The following KCNH5 variants were observed in gnomAD, a reference collection of about 807,000 sequenced individuals.
KCNH5 encodes the protein voltage-gated delayed rectifier potassium channel KCNH5.
A neutral mutation model predicts 96.1 loss-of-function variants in KCNH5; 46 were observed. The observed-to-expected ratio is 0.48, with a 90% CI of 0.38 to 0.61. The LOEUF is 0.61. Among genes scored for constraint, KCNH5 ranks in the 20% least tolerant of loss-of-function variants. The pLI is 0.00. For synonymous variants in KCNH5, 439 were observed against 449.8 expected (o/e 0.98, Z 0.30); for missense variants, 907 against 1,225.8 (o/e 0.74, Z 3.88).
chr14:62,741,777 C>T (rs1038762702), intron 10 of KCNH5, among the ~76,000 whole-genome samples: 3 of 152,208 alleles, frequency 2.0e-5, no homozygotes, highest in African/African-American at 7.2e-5. Context: ...TTTTATTTTA[C>T]GGTAGCCTCT....
At chr14:62,918,766 T>A (rs1276231206) in intron 7 of KCNH5, among the ~76,000 whole-genome samples, 1 of 152,116 alleles carries the variant, frequency 6.6e-6, no homozygotes, top group Non-Finnish European at 1.5e-5. Flanking sequence ...AATATGTCAG[T>A]AGACTGTTAA....
chr14:62,988,067 G>T (rs1179783500), intron 4 of KCNH5, among the ~76,000 whole-genome samples: 5 of 152,018 alleles, frequency 3.3e-5, no homozygotes, highest in Admixed American at 3.3e-4. Context: ...TTGGGGGAAA[G>T]AAATGCAATT....
chr14:62,989,794 G>A (rs562244746), intron 4 of KCNH5, among the ~76,000 whole-genome samples: 3 of 152,024 alleles, frequency 2.0e-5, no homozygotes, highest in Non-Finnish European at 4.4e-5. Flanking sequence ...TTAAAAATCA[G>A]ATATAAAATA....
At position 62,939,413 on chromosome 14, in the gene KCNH5, C is replaced by T. The variant is rs138218765; in HGVS notation, c.1369+10720G>A. Among the ~76,000 whole-genome samples, 253 of 152,260 alleles carry T rather than the reference C, an allele frequency of 1.7e-3. 2 individuals carry two copies. The highest frequency in any genetic ancestry group is 5.5e-3 in the African/African-American group (227 of 41,534). ...AAAGAGATCTCTCTGTGCCTCATAG[C>T]TCTGGAAACCAGAACCACATTTCTA... On this transcript the variant is annotated intron_variant, in intron 7 of 10. Transcript: ENST00000322893.
At chr14:62,905,952 C>A (rs1029392234) in intron 7 of KCNH5, among the ~76,000 whole-genome samples, 2 of 152,222 alleles carry the variant, frequency 1.3e-5, no homozygotes, top group African/African-American at 4.8e-5. Flanking sequence ...TCCTACTCCC[C>A]ACCCTAACTC....
chr14:62,862,882 G>A (rs1888065490), intron 7 of KCNH5, among the ~76,000 whole-genome samples: 1 of 152,178 alleles, frequency 6.6e-6, no homozygotes, highest in South Asian at 2.1e-4. Context: ...GAGAAATGAT[G>A]AATGGGTGTG....
intron 7 of KCNH5, among the ~76,000 whole-genome samples, chr14:62,942,338 CA>C (rs1889805233): frequency 6.6e-6 from 1 of 152,174 alleles, no homozygotes; most frequent in African/African-American, 2.4e-5. Context: ...AAAGACTCTC[CA>C]GGGTCACACG....
intron 8 of KCNH5, 125 bp from the exon 9 acceptor site, chr14:62,802,706 G>T: frequency 8.6e-7 from 1 of 1,167,834 alleles, no homozygotes; most frequent in Non-Finnish European, 1.2e-6. Flanking sequence ...ACCTTGCTGG[G>T]TACTGGGAAG....
intron 4 of KCNH5, among the ~76,000 whole-genome samples, chr14:62,997,986 G>A (rs771071804): frequency 2.0e-5 from 3 of 151,560 alleles, no homozygotes; most frequent in Non-Finnish European, 4.4e-5. Flanking sequence ...TGCTATATGG[G>A]TAGTGCTTGC....
At chr14:62,759,762 G>C (rs1039477126) in intron 10 of KCNH5, among the ~76,000 whole-genome samples, 1 of 152,062 alleles carries the variant, frequency 6.6e-6, no homozygotes, top group Non-Finnish European at 1.5e-5. Context: ...AAGCTGAGTA[G>C]AATGACTCAG....
intron 10 of KCNH5, among the ~76,000 whole-genome samples, chr14:62,725,147 T>C (rs1236756895): frequency 6.6e-6 from 1 of 152,236 alleles, no homozygotes; most frequent in Non-Finnish European, 1.5e-5. Context: ...ATCTGTGATT[T>C]ATTCTATTCA....
intron 2 of KCNH5, among the ~76,000 whole-genome samples, chr14:63,015,996 T>C (rs1332984581): frequency 1.3e-5 from 2 of 151,494 alleles, no homozygotes. Context: ...ACTATTTCTC[T>C]GGGCAAGTCC....
intron 7 of KCNH5, among the ~76,000 whole-genome samples, chr14:62,947,238 T>A (rs1889906536): frequency 6.6e-6 from 1 of 152,176 alleles, no homozygotes; most frequent in Admixed American, 6.6e-5. Flanking sequence ...GCAAAATGTA[T>A]AAATATTAAA....
intron 7 of KCNH5, among the ~76,000 whole-genome samples, chr14:62,885,513 G>A (rs1343874839): frequency 6.6e-6 from 1 of 152,164 alleles, no homozygotes; most frequent in Admixed American, 6.5e-5. Context: ...TACCATACTT[G>A]ATGACAAAAC....
At chr14:62,776,519 C>T (rs1457938437) in intron 10 of KCNH5, among the ~76,000 whole-genome samples, 1 of 152,168 alleles carries the variant, frequency 6.6e-6, no homozygotes, top group Admixed American at 6.5e-5. Context: ...CTGCTTAAGA[C>T]ACCCAATGTA....
chr14:62,731,993 A>G (rs940963309), intron 10 of KCNH5, among the ~76,000 whole-genome samples: 2 of 152,216 alleles, frequency 1.3e-5, no homozygotes, highest in Admixed American at 6.5e-5. Flanking sequence ...TCTAGCCATC[A>G]ATAGGGCTTC....
intron 10 of KCNH5, among the ~76,000 whole-genome samples, chr14:62,764,405 C>T (rs1885816354): frequency 3.9e-5 from 6 of 152,158 alleles, no homozygotes; most frequent in Admixed American, 3.9e-4. Context: ...GACAAACCCA[C>T]AGCCAAAGTC....
At chr14:62,911,467 TGATGA>T (rs1198297875) in intron 7 of KCNH5, among the ~76,000 whole-genome samples, 1 of 151,884 alleles carries the variant, frequency 6.6e-6, no homozygotes, top group Non-Finnish European at 1.5e-5. Context: ...CCATGGAACT[TGATGA>T]GATAATTCTG....
chr14:62,763,909 A>G (rs1028316456), intron 10 of KCNH5, among the ~76,000 whole-genome samples: 1 of 152,144 alleles, frequency 6.6e-6, no homozygotes, highest in Non-Finnish European at 1.5e-5. Context: ...ACCAACCAGA[A>G]CCAGCACTGG....
Sources: gnomAD v4.1 joint callset for allele counts (sites outside exome capture counted in the v4.1 genomes callset) on GRCh38, gnomAD v4.1.1 for gene constraint, MANE v1.5 for transcripts, NCBI Gene and HGNC (gene_info 2026-07-23, HGNC 2026-07-21) for gene names.